Variants in HSPA13 observed in about 807,000 individuals in gnomAD.
HSPA13 encodes heat shock 70 kDa protein 13.
A neutral mutation model predicts 38.8 loss-of-function variants in HSPA13; 29 were observed. The ratio of observed to expected loss-of-function variants is 0.75; its 90% CI spans 0.56 to 1.02. The LOEUF is 1.02. Ranked by LOEUF, HSPA13 falls within the 50% of genes least tolerant of loss-of-function variation. The pLI is 0.00. For missense variants in HSPA13, 451 were observed against 560.9 expected (o/e 0.80, Z 1.98); for synonymous variants, 192 against 205.3 (o/e 0.94, Z 0.56).
At chr21:14,377,438 C>G (rs920706011) in intron 3 of HSPA13, among the ~76,000 whole-genome samples, 2 of 152,212 alleles carry the variant, frequency 1.3e-5, no homozygotes, top group Non-Finnish European at 2.9e-5. Context: ...CCTGTAGCAT[C>G]TGATTGGTTC....
At position 14,372,783 on chromosome 21, in the gene HSPA13, C is replaced by G. The variant is rs1982856512; in HGVS notation, c.*834G>C. The G allele has an allele frequency of 6.6e-6, 1 of 152,030 alleles. No homozygotes were observed. The highest frequency in any genetic ancestry group is 2.1e-4 in the South Asian group (1 of 4,822). 9.4% of individuals were successfully genotyped at this position (152,030 alleles called of 1,614,324 possible). A position where few individuals can be genotyped will look rare whatever the true frequency, so the allele number is the denominator to read the frequency against. On this transcript the variant is annotated 3_prime_UTR_variant, in exon 5 of 5. Transcript: ENST00000285667. ...GCTATTTGCCAATGTTTGCAAAGGT[C>G]TCGGATAACAAAAATAAGATAGCAA...
chr21:14,379,095 C>A (rs757026813), intron 2 of HSPA13, among the ~76,000 whole-genome samples: 1 of 152,048 alleles, frequency 6.6e-6, no homozygotes, highest in Admixed American at 6.5e-5. Flanking sequence ...TCCCAAATTT[C>A]TTGTTTCTAA....
chr21:14,376,951 G>C (rs1568722480), intron 3 of HSPA13, among the ~76,000 whole-genome samples: 1 of 152,168 alleles, frequency 6.6e-6, no homozygotes, highest in Non-Finnish European at 1.5e-5. Context: ...GTTACTTTCT[G>C]ATATACATTG....
At chr21:14,382,942 C>G (rs935142028) in intron 1 of HSPA13, among the ~76,000 whole-genome samples, 153 bp downstream of exon 1, 5 of 152,076 alleles carry the variant, frequency 3.3e-5, no homozygotes, top group Non-Finnish European at 7.4e-5. Flanking sequence ...CCATCCACTC[C>G]GAACAGCCGA....
chr21:14,374,830 ATC>A (rs1305353910), intron 4 of HSPA13, among the ~76,000 whole-genome samples: 5 of 152,208 alleles, frequency 3.3e-5, no homozygotes, highest in African/African-American at 1.2e-4. Flanking sequence ...TAGGTATTTA[ATC>A]TCTTTTTTTC....
In HSPA13 at chr21:14,371,439, A is replaced by G. The variant is rs1982825683; in HGVS notation, c.*2178T>C. ...ATGAAAAGACTTCAGATTGTTATTC[A>G]TAAATGATCCCTTTCAGGATGCATT... On this transcript the variant is annotated 3_prime_UTR_variant, in exon 5 of 5. Coordinates refer to ENST00000285667, the MANE Select transcript of HSPA13 (RefSeq NM_006948.5). The G allele has an allele frequency of 6.6e-6, 1 of 152,216 alleles. No individual in the cohort carries two copies. The highest frequency in any genetic ancestry group is 1.5e-5 in the Non-Finnish European group (1 of 68,004). The allele number at this position is 152,216 out of a possible 1,614,324, so 9.4% of individuals were successfully genotyped here. A position where few individuals can be genotyped will look rare whatever the true frequency, so the allele number is the denominator to read the frequency against.
intron 1 of HSPA13, 23 bp from the exon 2 acceptor site, chr21:14,381,566 G>C (rs374880845): frequency 1.9e-6 from 3 of 1,555,430 alleles, no homozygotes; most frequent in Middle Eastern, 1.7e-4. Context: ...AAAATTAAAA[G>C]ATGTATTTTA....
intron 2 of HSPA13, among the ~76,000 whole-genome samples, chr21:14,378,665 G>A (rs75500232): frequency 0.039 from 5,853 of 150,304 alleles, 325 homozygotes; most frequent in East Asian, 0.29. Context: ...TGTTGCCCAC[G>A]CTGGAGTGCG....
chr21:14,378,415 G>A lies in HSPA13; in HGVS notation c.367-3C>T, dbSNP rs750384147. On this transcript the variant is annotated splice_region_variant and splice_polypyrimidine_tract_variant and intron_variant, in intron 2 of 4. Transcript: ENST00000285667. ...ACCATTCCATTTTTGTTTAAAACCTGTGAATAGGATTTGCAAATAAGTAAA... is the reference window on the plus strand; with the variant it reads ...ACCATTCCATTTTTGTTTAAAACCTATGAATAGGATTTGCAAATAAGTAAA... 24 of 1,596,844 alleles carry A rather than the reference G, an allele frequency of 1.5e-5. No individual in the cohort carries two copies. The highest frequency in any genetic ancestry group is 1.7e-4 in the Middle Eastern group (1 of 6,040).
Position 14,372,319 on chromosome 21 carries a change from T to C in HSPA13, c.*1298A>G, listed in dbSNP as rs981520565. 3 of 152,068 alleles carry C rather than the reference T, an allele frequency of 2.0e-5. No homozygotes were observed. Among genetic ancestry groups the C allele is most frequent in the Non-Finnish European group, 4.4e-5 (3 of 67,950 alleles). The allele number at this position is 152,068 out of a possible 1,614,324, so 9.4% of individuals were successfully genotyped here. On this transcript the variant is annotated 3_prime_UTR_variant, in exon 5 of 5. Transcript: ENST00000285667. ...AAAATATGTATATATATATATAATC[T>C]GTATCCATATATCTTCAAATACAAT...
intron 4 of HSPA13, 146 bp from the exon 5 acceptor site, chr21:14,374,430 G>C (rs1359187650): frequency 4.5e-6 from 3 of 667,138 alleles, no homozygotes; most frequent in Non-Finnish European, 7.5e-6. Context: ...TACAGAGACT[G>C]GTTAAAAATA....
chr21:14,373,862 C>A lies in HSPA13; in HGVS notation c.1171G>T (p.Glu391Ter). 1.2e-6 allele frequency: 2 copies of A among 1,614,220 alleles called. No homozygotes were observed. Among genetic ancestry groups the A allele is most frequent in the Non-Finnish European group, 1.7e-6 (2 of 1,180,024 alleles). Residue 391 changes from glutamate to a stop codon, truncating the protein, a stop_gained, in exon 5 of 5, where the codon GAA becomes TAA. Coordinates refer to ENST00000285667, the MANE Select transcript of HSPA13 (RefSeq NM_006948.5). LOFTEE classifies it high-confidence loss of function. ...ILVPIQQVLK[E>*]GHLEKTEIDE... The stretch of plus-strand genomic sequence containing the variant: ...ATCTCAGTCTTTTCCAGGTGGCCTT[C>A]TTTCAATACTTGCTGAATGGGTACC...
intron 4 of HSPA13, among the ~76,000 whole-genome samples, chr21:14,374,988 C>G (rs1983983821): frequency 6.6e-6 from 1 of 151,878 alleles, no homozygotes; most frequent in Non-Finnish European, 1.5e-5. Context: ...AAAAAAAATG[C>G]AGAGGTTAGA....
rs561354804 is a variant in HSPA13 at position 14,373,451 on chromosome 21, C to T, written c.*166G>A. 26 of 610,978 alleles carry T rather than the reference C, an allele frequency of 4.3e-5. No individual in the cohort carries two copies. The East Asian group carries it at 5.5e-4, about 13-fold the overall frequency. 37.8% of individuals were successfully genotyped at this position (610,978 alleles called of 1,614,324 possible). Reference sequence around the variant, plus strand: ...AAATCAAACAGGATCAATCTGGTCACGTCTAATCCTAAGACAAAACACTAT... The same window carrying T: ...AAATCAAACAGGATCAATCTGGTCATGTCTAATCCTAAGACAAAACACTAT... On this transcript the variant is annotated 3_prime_UTR_variant, in exon 5 of 5. Coordinates refer to ENST00000285667, the MANE Select transcript of HSPA13 (RefSeq NM_006948.5).
Position 14,373,804 on chromosome 21 carries a change from C to T in HSPA13, c.1229G>A (p.Arg410His), listed in dbSNP as rs969505132. The T allele has an allele frequency of 1.2e-6, 2 of 1,614,156 alleles. No homozygotes were observed. Among genetic ancestry groups the T allele is most frequent in the Non-Finnish European group, 1.7e-6 (2 of 1,180,030 alleles). ...AATGACTTGACGGATCCGAGGAATA[C>T]GAGTGGAGCCCCCAACTAAAACCAC... ...DEVVLVGGST[R>H]IPRIRQVIQE... Residue 410 changes from arginine (R) to histidine (H), a missense_variant, in exon 5 of 5, where the codon CGT becomes CAT. Transcript: ENST00000285667.
In HSPA13 at chr21:14,375,836, G is replaced by A. The variant is rs9305297; in HGVS notation, c.581-17C>T. ...TCTTCAGTCCTGTAAGATTGGTTAAGGGAAGAAAAATTCATGAGAGGATGC... is the reference window on the plus strand; with the variant it reads ...TCTTCAGTCCTGTAAGATTGGTTAAAGGAAGAAAAATTCATGAGAGGATGC... On this transcript the variant is annotated splice_polypyrimidine_tract_variant and intron_variant, in intron 3 of 4. Coordinates refer to ENST00000285667, the MANE Select transcript of HSPA13 (RefSeq NM_006948.5). 4,171 of 1,607,528 alleles carry A rather than the reference G, an allele frequency of 2.6e-3. 96 individuals carry two copies. In the African/African-American group the frequency reaches 0.051, roughly 20 times the overall value.
chr21:14,373,650 G>C lies in HSPA13; in HGVS notation c.1383C>G (p.Pro461=). Residue 461 remains proline (P), a synonymous_variant, in exon 5 of 5, where the codon CCC becomes CCG. Coordinates refer to ENST00000285667, the MANE Select transcript of HSPA13 (RefSeq NM_006948.5). The part of the protein sequence containing the change: ...WPLQVSALEI[P]NKHLQKTNFN Reference sequence around the variant, plus strand: ...AGTTGGTTTTTTGTAAATGCTTATTGGGAATTTCTAAAGCACTGACTTGGA... The same window carrying C: ...AGTTGGTTTTTTGTAAATGCTTATTCGGAATTTCTAAAGCACTGACTTGGA... 1.2e-6 allele frequency: 2 copies of C among 1,612,226 alleles called. No individual in the cohort carries two copies. The highest frequency in any genetic ancestry group is 1.7e-6 in the Non-Finnish European group (2 of 1,179,672).
At chr21:14,378,630 T>A (rs1489355414) in intron 2 of HSPA13, among the ~76,000 whole-genome samples, 1 of 151,986 alleles carries the variant, frequency 6.6e-6, no homozygotes, top group East Asian at 1.9e-4. Context: ...TTTACTTTTT[T>A]TTTTTTTGAG....
chr21:14,380,471 G>C (rs1478729096), intron 2 of HSPA13, among the ~76,000 whole-genome samples: 1 of 151,482 alleles, frequency 6.6e-6, no homozygotes, highest in East Asian at 1.9e-4. Flanking sequence ...ATTAATACAG[G>C]ATACTATTTT....
Sources: gnomAD v4.1 joint callset for allele counts (sites outside exome capture counted in the v4.1 genomes callset) on GRCh38, gnomAD v4.1.1 for gene constraint, MANE v1.5 for transcripts, NCBI Gene and HGNC (gene_info 2026-07-23, HGNC 2026-07-21) for gene names.